PRKCH: variants seen among roughly 807,000 people sequenced by gnomAD.
PRKCH encodes protein kinase C eta type.
A neutral mutation model predicts 82.5 loss-of-function variants in PRKCH; 28 were observed. The ratio of observed to expected loss-of-function variants is 0.34; its 90% confidence interval spans 0.25 to 0.47. The LOEUF (loss-of-function observed/expected upper bound fraction) is 0.47, where lower values mean the gene tolerates loss of function less well. Among genes scored for constraint, PRKCH ranks in the 20% least tolerant of loss-of-function variants. PRKCH has a pLI of 1.00. For missense variants in PRKCH, 705 were observed against 881.8 expected (o/e 0.80, Z 2.54); for synonymous variants, 322 against 327.4 (o/e 0.98, Z 0.18).
At chr14:61,261,433 A>C (rs1044509883) in intron 1 of PRKCH, among the ~76,000 whole-genome samples, 2 of 152,188 alleles carry the variant, frequency 1.3e-5, no homozygotes, top group East Asian at 3.8e-4. Context: ...ACCATCGGTC[A>C]CCCACCCATT....
chr14:61,454,469 C>G (rs929671086), intron 7 of PRKCH, among the ~76,000 whole-genome samples: 1 of 152,154 alleles, frequency 6.6e-6, no homozygotes, highest in Non-Finnish European at 1.5e-5. Context: ...ACCCAGGATC[C>G]TGGGTTATGC....
rs377250538 is a variant in PRKCH at position 61,428,076 on chromosome 14, T to TAGATACAC, written c.428-15034_428-15033insGATACACA. On this transcript the variant is annotated intron_variant, in intron 2 of 13. Coordinates refer to ENST00000332981, the MANE Select transcript of PRKCH (RefSeq NM_006255.5). ...ATAGATAGATAGATAGATAGATAGA[T>TAGATACAC]ACACACACACACACACACACATATA... Among the ~76,000 whole-genome samples the TAGATACAC allele has an allele frequency of 6.3e-3, 801 of 126,220 alleles. 5 individuals are homozygous for TAGATACAC. The highest frequency in any genetic ancestry group is 0.013 in the African/African-American group (438 of 32,744). 82.8% of individuals were successfully genotyped at this position (126,220 alleles called of 152,430 possible).
intron 2 of PRKCH, among the ~76,000 whole-genome samples, chr14:61,438,702 G>C (rs1002721498): frequency 6.6e-6 from 1 of 152,088 alleles, no homozygotes; most frequent in South Asian, 2.1e-4. Context: ...ACCAACACAA[G>C]TTTCAGTCCA....
At chr14:61,423,327 C>T (rs1483413162) in intron 2 of PRKCH, among the ~76,000 whole-genome samples, 1 of 152,176 alleles carries the variant, frequency 6.6e-6, no homozygotes, top group Non-Finnish European at 1.5e-5. Flanking sequence ...GGATCCAAAA[C>T]TGTAAAATCT....
intron 1 of PRKCH, among the ~76,000 whole-genome samples, chr14:61,204,763 G>GAAAAAAAAA (rs67978354): frequency 9.4e-6 from 1 of 106,206 alleles, no homozygotes; most frequent in African/African-American, 3.4e-5. Flanking sequence ...CCTTTCTCAA[G>GAAAAAAAAA]AAAAAAAAAA....
chr14:61,479,975 A>G (rs987610450), intron 9 of PRKCH, among the ~76,000 whole-genome samples: 1 of 152,160 alleles, frequency 6.6e-6, no homozygotes, highest in Non-Finnish European at 1.5e-5. Flanking sequence ...TCAGGGACAA[A>G]AGAGAGGAGC....
chr14:61,457,065 CCCA>C, intron 7 of PRKCH, 108 bp from the exon 8 acceptor site: 1 of 1,189,856 alleles, frequency 8.4e-7, no homozygotes, highest in South Asian at 1.6e-5. Context: ...TGATCTTTCC[CCCA>C]CGTTATACTG....
At chr14:61,474,695 T>TA (rs1200429101) in intron 9 of PRKCH, among the ~76,000 whole-genome samples, 3 of 152,180 alleles carry the variant, frequency 2.0e-5, no homozygotes, top group African/African-American at 7.2e-5. Flanking sequence ...CCCTAGAACT[T>TA]AAAGTATAAT....
chr14:61,283,005 A>G (rs2045285326), intron 1 of PRKCH, among the ~76,000 whole-genome samples: 1 of 151,852 alleles, frequency 6.6e-6, no homozygotes, highest in African/African-American at 2.4e-5. Context: ...ACTCGTCTCT[A>G]GGAAGGAATT....
At chr14:61,227,547 T>TC (rs764307261) in intron 1 of PRKCH, among the ~76,000 whole-genome samples, 3 of 152,126 alleles carry the variant, frequency 2.0e-5, no homozygotes, top group Non-Finnish European at 4.4e-5. Context: ...TGAGCAGAGA[T>TC]GCGCCACTGC....
Position 61,453,212 on chromosome 14 carries a change from C to T in PRKCH, c.833-14C>T, listed in dbSNP as rs756872759. ...CCTTTCTGAACATGGATTCTGTTTTCCTTTTCCCTCTAGTATGTAAAATGA... is the reference window on the plus strand; with the variant it reads ...CCTTTCTGAACATGGATTCTGTTTTTCTTTTCCCTCTAGTATGTAAAATGA... On this transcript the variant is annotated splice_polypyrimidine_tract_variant and intron_variant, in intron 6 of 13. Transcript: ENST00000332981. 55 of 1,614,034 alleles carry T rather than the reference C, an allele frequency of 3.4e-5. 1 individual carries two copies. The South Asian group carries it at 5.6e-4, about 16-fold the overall frequency.
In PRKCH at chr14:61,330,715, TC is replaced by T. The variant is rs2045773484; in HGVS notation, c.363+8254del. Reference sequence around the variant, plus strand: ...TCCAGTTTGCCACAGACCCCTCCACTCCCTGTTATGAAACCAACTCTCTTGA... The same window carrying T: ...TCCAGTTTGCCACAGACCCCTCCACTCCTGTTATGAAACCAACTCTCTTGA... On this transcript the variant is annotated intron_variant, in intron 1 of 13. Transcript: ENST00000332981. Among the ~76,000 whole-genome samples, 3 of 152,114 alleles carry T rather than the reference TC, an allele frequency of 2.0e-5. No individual in the cohort carries two copies. The South Asian group carries it at 6.2e-4, about 32-fold the overall frequency.
At chr14:61,241,835 T>C (rs1341668861) in intron 1 of PRKCH, among the ~76,000 whole-genome samples, 1 of 152,234 alleles carries the variant, frequency 6.6e-6, no homozygotes, top group Non-Finnish European at 1.5e-5. Flanking sequence ...CTCTGTGGAC[T>C]TAGCTCCTTG....
At chr14:61,453,498 C>T (rs1594722853) in intron 7 of PRKCH, 145 bp downstream of exon 7, 1 of 771,540 alleles carries the variant, frequency 1.3e-6, no homozygotes, top group Non-Finnish European at 1.9e-6. Context: ...CTTTCTTTCT[C>T]TTTCTTTCTT....
intron 2 of PRKCH, among the ~76,000 whole-genome samples, chr14:61,399,151 ACCCGATTAG>A (rs1443118786): frequency 6.6e-6 from 1 of 152,068 alleles, no homozygotes; most frequent in Non-Finnish European, 1.5e-5. Context: ...TAGAATTGAA[ACCCGATTAG>A]CCATGAGTTG....
intron 1 of PRKCH, among the ~76,000 whole-genome samples, chr14:61,365,023 A>C (rs970121031): frequency 6.6e-6 from 1 of 152,134 alleles, no homozygotes; most frequent in East Asian, 1.9e-4. Flanking sequence ...GGGAGTGGCC[A>C]TGGGAATGGC....
chr14:61,484,164 G>T (rs1886103356), intron 9 of PRKCH, among the ~76,000 whole-genome samples: 1 of 152,084 alleles, frequency 6.6e-6, no homozygotes, highest in Non-Finnish European at 1.5e-5. Flanking sequence ...CACTCATCCT[G>T]TGGGCCTTAG....
chr14:61,479,360 TA>T (rs1885865534), intron 9 of PRKCH, among the ~76,000 whole-genome samples: 1 of 152,216 alleles, frequency 6.6e-6, no homozygotes, highest in Non-Finnish European at 1.5e-5. Context: ...CAGCTTGATC[TA>T]ACTGGCTGTG....
rs184684073 is a variant in PRKCH, at chr14:61,502,303, C to T, written c.1433+16647C>T. 1.5e-3 allele frequency among the ~76,000 whole-genome samples: 231 copies of T among 152,066 alleles called. 3 individuals are homozygous for T. Among genetic ancestry groups the T allele is most frequent in the African/African-American group, 5.4e-3 (223 of 41,466 alleles). On this transcript the variant is annotated intron_variant, in intron 10 of 13. Transcript: ENST00000332981. ...GTCGCAAACTCCTGACCTCGTGATCCGCACACCCCAGCCTTCCAAAGTGCT... is the reference window on the plus strand; with the variant it reads ...GTCGCAAACTCCTGACCTCGTGATCTGCACACCCCAGCCTTCCAAAGTGCT...
Sources: gnomAD v4.1 joint callset for allele counts (sites outside exome capture counted in the v4.1 genomes callset) on GRCh38, gnomAD v4.1.1 for gene constraint, MANE v1.5 for transcripts, NCBI Gene and HGNC (gene_info 2026-07-23, HGNC 2026-07-21) for gene names.